EDA: variants seen among roughly 807,000 people sequenced by gnomAD.
EDA encodes the protein ectodysplasin A, also known as ectodysplasin-A.
EDA carries 2 observed loss-of-function variants against 23.6 expected under a neutral mutation model. That is an observed-to-expected ratio of 0.08 (90% confidence interval 0.03 to 0.27). The LOEUF is 0.27. Ranked by LOEUF, EDA falls within the 10% of genes least tolerant of loss-of-function variation. The probability of loss-of-function intolerance (pLI) is 1.00; values close to 1 mark genes in which losing one functional copy is unlikely to be tolerated. For missense variants in EDA, 229 were observed against 324.2 expected, an observed-to-expected ratio of 0.71 and a Z score of 2.26; for synonymous variants, 131 against 132.0, an observed-to-expected ratio of 0.99 and a Z score of 0.05.
At chrX:69,834,137 C>A (rs2016703785) in intron 1 of EDA, among the ~76,000 whole-genome samples, 2 of 110,328 alleles carry the variant, frequency 1.8e-5, no homozygotes, top group Admixed American at 9.7e-5. Context: ...TGAACTCATC[C>A]AACTATGTGT....
chrX:69,731,625 A>G (rs2013031793), intron 1 of EDA, among the ~76,000 whole-genome samples: 3 of 110,718 alleles, frequency 2.7e-5, no homozygotes, highest in Admixed American at 1.9e-4. Flanking sequence ...TATTTTTAGT[A>G]GAGATGGGGT....
At chrX:69,727,442 A>G (rs1053611574) in intron 1 of EDA, among the ~76,000 whole-genome samples, 4 of 111,765 alleles carry the variant, frequency 3.6e-5, no homozygotes, top group Non-Finnish European at 5.6e-5. Flanking sequence ...TCAAAGGCAT[A>G]ATTTCTTTGA....
At chrX:69,801,958 G>A (rs2015698076) in intron 1 of EDA, among the ~76,000 whole-genome samples, 1 of 111,495 alleles carries the variant, frequency 9.0e-6, no homozygotes, top group Non-Finnish European at 1.9e-5. Flanking sequence ...TATTAAAGTT[G>A]AAGATGTATG....
intron 1 of EDA, among the ~76,000 whole-genome samples, chrX:69,835,628 G>C (rs1376005460): frequency 9.0e-6 from 1 of 110,824 alleles, no homozygotes; most frequent in Non-Finnish European, 1.9e-5. Flanking sequence ...CTTTTTTCAA[G>C]GTTTTTTGCT....
Position 69,728,141 on chromosome X carries a change from A to G in EDA, c.396+111437A>G, listed in dbSNP as rs753607396. 4.7e-3 allele frequency among the ~76,000 whole-genome samples: 518 copies of G among 109,209 alleles called. 2 individuals carry two copies. Among genetic ancestry groups the G allele is most frequent in the Middle Eastern group, 9.5e-3 (2 of 211 alleles). 94.8% of individuals were successfully genotyped at this position (109,209 alleles called of 115,157 possible). Reference sequence around the variant, plus strand: ...ATGCCTGTAGTCCCAGCTACTCGGGAGGCTGACGTGGGAGAATCACTTGAA... The same window carrying G: ...ATGCCTGTAGTCCCAGCTACTCGGGGGGCTGACGTGGGAGAATCACTTGAA... On this transcript the variant is annotated intron_variant, in intron 1 of 7. Coordinates refer to ENST00000374552, the MANE Select transcript of EDA (RefSeq NM_001399.5).
At chrX:69,829,706 T>C (rs1239662062) in intron 1 of EDA, among the ~76,000 whole-genome samples, 2 of 112,075 alleles carry the variant, frequency 1.8e-5, no homozygotes, top group Admixed American at 1.9e-4. Context: ...AAGTGATCTT[T>C]ATGTCATCTT....
intron 1 of EDA, among the ~76,000 whole-genome samples, chrX:69,947,300 A>T (rs1440196271): frequency 1.8e-5 from 2 of 112,587 alleles, no homozygotes; most frequent in Non-Finnish European, 3.8e-5. Context: ...TATATGACAT[A>T]CATACAAACC....
chrX:69,684,357 G>A (rs893158648), intron 1 of EDA, among the ~76,000 whole-genome samples: 1 of 110,443 alleles, frequency 9.1e-6, no homozygotes, highest in Admixed American at 9.6e-5. Flanking sequence ...ACTTAAATAA[G>A]TCTTGAGGGC....
rs148101238 is a variant in EDA at position 69,671,342 on chromosome X, T to C, written c.396+54638T>C. On this transcript the variant is annotated intron_variant, in intron 1 of 7. Transcript: ENST00000374552. ...GGTGTCTGAGCTGTGGGTATCTGTG[T>C]TGGTGTCAGATCTGACATGGCCAAT... Among the ~76,000 whole-genome samples the C allele has an allele frequency of 4.2e-3, 464 of 111,294 alleles. 3 individuals are homozygous for C. Among genetic ancestry groups the C allele is most frequent in the African/African-American group, 0.014 (436 of 30,562 alleles).
In EDA at chrX:69,616,212, C is replaced by T; in HGVS notation, c.-97C>T. On this transcript the variant is annotated 5_prime_UTR_variant, in exon 1 of 8. Transcript: ENST00000374552. ...AGGAACGGGTCCCTGCAGCCCCCAG[C>T]CGATGGCAGGACAGTAGCCGCCTGT... 2 of 1,048,638 alleles carry T rather than the reference C, an allele frequency of 1.9e-6. No homozygotes were observed. The highest frequency in any genetic ancestry group is 2.1e-5 in the South Asian group (1 of 47,232). The allele number at this position is 1,048,638 out of a possible 1,213,427, so 86.4% of individuals were successfully genotyped here.
Position 69,676,848 on chromosome X carries a change from T to C in EDA, c.396+60144T>C, listed in dbSNP as rs895048936. Among the ~76,000 whole-genome samples the C allele has an allele frequency of 1.4e-3, 154 of 110,527 alleles. 4 individuals carry two copies. The highest frequency in any genetic ancestry group is 4.0e-4 in the Non-Finnish European group (21 of 52,899). ...TGTTTTCTTTTTTTTATTATTACACTTTAAGTTTTAGGGTACATGTGCACA... is the reference window on the plus strand; with the variant it reads ...TGTTTTCTTTTTTTTATTATTACACCTTAAGTTTTAGGGTACATGTGCACA... On this transcript the variant is annotated intron_variant, in intron 1 of 7. Coordinates refer to ENST00000374552, the MANE Select transcript of EDA (RefSeq NM_001399.5).
chrX:69,911,153 C>T (rs1404763139), intron 1 of EDA, among the ~76,000 whole-genome samples: 1 of 111,874 alleles, frequency 8.9e-6, no homozygotes, highest in Non-Finnish European at 1.9e-5. Context: ...CCCTCTCTCC[C>T]CTGCAGTGGG....
chrX:69,897,974 A>G (rs149019968), intron 1 of EDA, among the ~76,000 whole-genome samples: 1,478 of 112,574 alleles, frequency 0.013, 15 homozygotes, highest in African/African-American at 0.043. Context: ...AGATAGAAAT[A>G]TAGATTAAAT....
chrX:69,876,174 G>C (rs2017641302), intron 1 of EDA, among the ~76,000 whole-genome samples: 1 of 111,291 alleles, frequency 9.0e-6, no homozygotes, highest in Non-Finnish European at 1.9e-5. Flanking sequence ...AAGCAAAAAA[G>C]ATGCCTGCAC....
intron 1 of EDA, among the ~76,000 whole-genome samples, chrX:69,878,651 G>C (rs1228822377): frequency 1.8e-5 from 2 of 109,489 alleles, no homozygotes; most frequent in Admixed American, 2.0e-4. Flanking sequence ...AAGGCCATAA[G>C]GTTTGCAAAG....
chrX:69,764,234 C>CTTTTTTTTTTTTTTTTT lies in EDA; in HGVS notation c.396+147540_396+147556dup, dbSNP rs1189179243. Among the ~76,000 whole-genome samples the CTTTTTTTTTTTTTTTTT allele has an allele frequency of 1.6e-4, 7 of 44,546 alleles. 1 individual carries two copies. Among genetic ancestry groups the CTTTTTTTTTTTTTTTTT allele is most frequent in the African/African-American group, 5.9e-4 (6 of 10,147 alleles). The allele number at this position is 44,546 out of a possible 115,157, so 38.7% of individuals were successfully genotyped here. On this transcript the variant is annotated intron_variant, in intron 1 of 7. Transcript: ENST00000374552. ...CTACCACTCCCATTCATTTTTTATT[C>CTTTTTTTTTTTTTTTTT]TTTTTTTTTTTTTTTTTTTTTTTTT...
chrX:69,949,200 C>T (rs1031120878), intron 1 of EDA, among the ~76,000 whole-genome samples: 1 of 111,803 alleles, frequency 8.9e-6, no homozygotes, highest in Non-Finnish European at 1.9e-5. Context: ...GTACCTGCCT[C>T]CTCTTGAGGG....
chrX:69,792,442 G>A (rs771261676), intron 1 of EDA, among the ~76,000 whole-genome samples: 5 of 112,050 alleles, frequency 4.5e-5, no homozygotes, highest in Non-Finnish European at 9.4e-5. Context: ...ATGTGCATGT[G>A]TCTTTTTCAT....
intron 1 of EDA, among the ~76,000 whole-genome samples, chrX:69,820,218 C>T (rs192550963): frequency 5.4e-5 from 6 of 112,000 alleles, no homozygotes; most frequent in Non-Finnish European, 7.5e-5. Context: ...TAGACCCCTT[C>T]GTTACACCAT....
Sources: allele counts gnomAD v4.1 joint callset (sites outside exome capture counted in the v4.1 genomes callset), GRCh38; gene constraint gnomAD v4.1.1; transcripts MANE v1.5; gene names NCBI Gene and HGNC (gene_info 2026-07-23, HGNC 2026-07-21).